The following LDAH variants were observed in gnomAD, a reference collection of about 807,000 sequenced individuals.
LDAH encodes the protein lipid droplet-associated hydrolase.
LDAH carries 26 observed loss-of-function variants against 29.6 expected under a neutral mutation model. That is an observed-to-expected ratio of 0.88 (90% CI 0.64 to 1.22). LDAH has a LOEUF of 1.22. Among genes scored for constraint, LDAH ranks in the 50% most tolerant of loss-of-function variants. The pLI is 0.00. For missense variants in LDAH, 344 were observed against 387.3 expected, an observed-to-expected ratio of 0.89 and a Z score of 0.94; for synonymous variants, 117 against 133.0, an observed-to-expected ratio of 0.88 and a Z score of 0.83.
chr2:20,785,026 A>G (rs1670451038), intron 3 of LDAH, among the ~76,000 whole-genome samples: 1 of 152,200 alleles, frequency 6.6e-6, no homozygotes, highest in Non-Finnish European at 1.5e-5. Context: ...CATTCATTTC[A>G]TTTATCCATG....
chr2:20,745,447 A>AT (rs1037432691), intron 4 of LDAH, among the ~76,000 whole-genome samples: 8 of 151,810 alleles, frequency 5.3e-5, no homozygotes, highest in African/African-American at 1.7e-4. Context: ...GGTCATTTGC[A>AT]TTTTTTTTGA....
intron 1 of LDAH, among the ~76,000 whole-genome samples, chr2:20,809,549 G>C (rs1672327723): frequency 6.6e-6 from 1 of 152,154 alleles, no homozygotes. Context: ...CATATGTATA[G>C]TATTCTGAAA....
intron 4 of LDAH, among the ~76,000 whole-genome samples, chr2:20,759,602 A>G (rs1461384869): frequency 6.6e-6 from 1 of 152,192 alleles, no homozygotes; most frequent in Non-Finnish European, 1.5e-5. Context: ...TTTCTTAAAG[A>G]TCACAATCAT....
intron 1 of LDAH, among the ~76,000 whole-genome samples, chr2:20,806,758 G>A (rs550856716): frequency 6.6e-6 from 1 of 151,542 alleles, no homozygotes; most frequent in Non-Finnish European, 1.5e-5. Flanking sequence ...ATAGAAAATA[G>A]GACACAAAAT....
rs377187635 is a variant in LDAH, at chr2:20,696,976, C to A, written c.786+4594G>T. ...GATCAATCATTAGAAGTCTTCTCTC[C>A]TTATTCTGTATACTTCTTTAGGCTG... On this transcript the variant is annotated intron_variant, in intron 6 of 6. Coordinates refer to ENST00000237822, the MANE Select transcript of LDAH (RefSeq NM_021925.4). Among the ~76,000 whole-genome samples the A allele has an allele frequency of 1.2e-4, 19 of 152,278 alleles. No homozygotes were observed. The East Asian group carries it at 2.1e-3, about 17-fold the overall frequency.
intron 5 of LDAH, among the ~76,000 whole-genome samples, chr2:20,736,055 G>A (rs375972853): frequency 6.6e-6 from 1 of 152,204 alleles, no homozygotes. Flanking sequence ...CTGCTGGGGA[G>A]AGGGTAAAGT....
chr2:20,801,954 G>A (rs960177816), intron 1 of LDAH, among the ~76,000 whole-genome samples: 30 of 147,258 alleles, frequency 2.0e-4, no homozygotes, highest in African/African-American at 7.9e-4. Flanking sequence ...GTGTGTGTGT[G>A]TGTATGTGTG....
At chr2:20,728,405 CT>C (rs1666163215) in intron 5 of LDAH, among the ~76,000 whole-genome samples, 1 of 152,162 alleles carries the variant, frequency 6.6e-6, no homozygotes, top group African/African-American at 2.4e-5. Flanking sequence ...GATAACCCCT[CT>C]CTTTGTGTAA....
intron 6 of LDAH, among the ~76,000 whole-genome samples, chr2:20,688,292 C>A (rs1405981996): frequency 6.6e-6 from 1 of 152,062 alleles, no homozygotes; most frequent in African/African-American, 2.4e-5. Context: ...ACCAAGCAAA[C>A]CAAAGCTTGA....
intron 1 of LDAH, 34 bp from the exon 2 acceptor site, chr2:20,801,499 A>G: frequency 1.3e-6 from 2 of 1,581,718 alleles, no homozygotes; most frequent in Non-Finnish European, 1.7e-6. Context: ...ATGAAGAGTC[A>G]GTAAAATGTA....
Position 20,684,957 on chromosome 2 carries a change from A to C in LDAH, c.*1946T>G. 6.5e-7 allele frequency: 1 copy of C among 1,548,754 alleles called. No homozygotes were observed. Among genetic ancestry groups the C allele is most frequent in the Non-Finnish European group, 8.7e-7 (1 of 1,146,286 alleles). On this transcript the variant is annotated 3_prime_UTR_variant, in exon 7 of 7. Transcript: ENST00000237822. ...AAAGCAATGAGAAAGGTGGCTTTTC[A>C]CTTTAAAAGAGAGACTTTGAGCCGA... is the stretch of plus-strand genomic sequence containing the variant.
At chr2:20,791,498 C>T (rs1330040983) in intron 2 of LDAH, among the ~76,000 whole-genome samples, 2 of 152,206 alleles carry the variant, frequency 1.3e-5, no homozygotes, top group East Asian at 3.8e-4. Flanking sequence ...CCGTAGCATC[C>T]ATATTATTTT....
intron 3 of LDAH, 103 bp from the exon 4 acceptor site, chr2:20,775,082 C>T (rs966474830): frequency 2.3e-5 from 23 of 1,009,702 alleles, no homozygotes; most frequent in Admixed American, 8.0e-5. Flanking sequence ...TACCATTTAT[C>T]GAAAGCCTAC....
intron 4 of LDAH, among the ~76,000 whole-genome samples, chr2:20,750,654 G>T (rs1667906608): frequency 6.6e-6 from 1 of 152,138 alleles, no homozygotes; most frequent in African/African-American, 2.4e-5. Flanking sequence ...AAGCACATTT[G>T]TCACCATTAA....
chr2:20,694,378 T>C (rs765157938), intron 6 of LDAH, among the ~76,000 whole-genome samples: 53 of 152,214 alleles, frequency 3.5e-4, no homozygotes, highest in African/African-American at 1.0e-3. Flanking sequence ...GATATAAGCA[T>C]CTCCTTTCAG....
At chr2:20,741,954 A>T (rs1220094171) in intron 4 of LDAH, among the ~76,000 whole-genome samples, 1 of 152,188 alleles carries the variant, frequency 6.6e-6, no homozygotes, top group African/African-American at 2.4e-5. Context: ...CTGATATATT[A>T]ATTTTATTTT....
intron 4 of LDAH, among the ~76,000 whole-genome samples, chr2:20,742,262 T>C (rs1381588589): frequency 6.6e-6 from 1 of 152,242 alleles, no homozygotes; most frequent in Non-Finnish European, 1.5e-5. Flanking sequence ...GAGAAGAATG[T>C]GTATTCTGCT....
Position 20,782,754 on chromosome 2 carries a change from A to C in LDAH, c.298+7501T>G, listed in dbSNP as rs376462687. 1.4e-3 allele frequency among the ~76,000 whole-genome samples: 207 copies of C among 152,174 alleles called. 3 individuals are homozygous for C. The South Asian group carries it at 0.038, about 28-fold the overall frequency. On this transcript the variant is annotated intron_variant, in intron 3 of 6. Coordinates refer to ENST00000237822, the MANE Select transcript of LDAH (RefSeq NM_021925.4). Reference sequence around the variant, plus strand: ...TGGCTACAGGCTTATTAATTTTATTAGTCTTTTAAATAACTAGCTTTTGGT... The same window carrying C: ...TGGCTACAGGCTTATTAATTTTATTCGTCTTTTAAATAACTAGCTTTTGGT...
intron 2 of LDAH, among the ~76,000 whole-genome samples, chr2:20,797,707 T>C (rs1424352239): frequency 6.6e-6 from 1 of 151,910 alleles, no homozygotes; most frequent in African/African-American, 2.4e-5. Flanking sequence ...GCCAGACATT[T>C]GAGGAAAACT....
Sources: gnomAD v4.1 joint callset for allele counts (sites outside exome capture counted in the v4.1 genomes callset) on GRCh38, gnomAD v4.1.1 for gene constraint, MANE v1.5 for transcripts, NCBI Gene and HGNC (gene_info 2026-07-23, HGNC 2026-07-21) for gene names.